The following KHNYN variants were observed in gnomAD, a reference collection of about 807,000 sequenced individuals.
The protein encoded by KHNYN is protein KHNYN.
A neutral mutation model predicts 62.7 loss-of-function variants in KHNYN; 42 were observed. The observed-to-expected ratio is 0.67, with a 90% CI of 0.52 to 0.87. KHNYN has a LOEUF of 0.87. KHNYN is among the 40% of genes least tolerant of loss of function. KHNYN has a pLI of 0.00. For synonymous variants in KHNYN, 347 were observed against 345.6 expected (o/e 1.00, Z -0.04); for missense variants, 829 against 874.1 (o/e 0.95, Z 0.65).
chr14:24,431,550 G>A lies in KHNYN; in HGVS notation c.289G>A (p.Gly97Ser). 6.2e-7 allele frequency: 1 copy of A among 1,612,518 alleles called. No homozygotes were observed. The change falls in exon 3 of 8, where the codon GGC (glycine) becomes AGC (serine). Residue 97 changes from glycine (G) to serine (S), a missense_variant. Around this residue, in one of 2 missense-constraint regions of KHNYN, gnomAD observed 559 missense variants for 527.0 expected, o/e 1.06. Coordinates refer to ENST00000553935, the MANE Select transcript of KHNYN (RefSeq NM_015299.3). The part of the protein sequence containing the change: ...KLHCIFLGAQ[G>S]FFLDCLAWST... ...GCACTGCATCTTTCTGGGAGCCCAG[G>A]GCTTCTTCCTTGACTGCCTGGCCTG...
At position 24,440,813 on chromosome 14, in the gene KHNYN, C is replaced by T; in HGVS notation, c.*3528C>T. On this transcript the variant is annotated 3_prime_UTR_variant, in exon 8 of 8. Coordinates refer to ENST00000553935, the MANE Select transcript of KHNYN (RefSeq NM_015299.3). ...CGCACCACCACCTGGCGTGTAGAAT[C>T]TCCAGGAAGCCTGGCTGCAGCTTCC... 1 of 1,613,604 alleles carries T rather than the reference C, an allele frequency of 6.2e-7. No individual in the cohort carries two copies. The highest frequency in any genetic ancestry group is 8.5e-7 in the Non-Finnish European group (1 of 1,179,756).
upstream of KHNYN, chr14:24,427,874 C>A (rs781723932): frequency 1.2e-6 from 2 of 1,613,994 alleles, no homozygotes; most frequent in East Asian, 2.2e-5. The surrounding 1 kb of genome is among the most constrained non-coding windows in gnomAD (Gnocchi z 4.4). Context: ...CAGAGACACT[C>A]GGTCCCCAGG....
rs1161474490 is a variant in KHNYN at position 24,432,908 on chromosome 14, A to T, written c.1481-28A>T. On this transcript the variant is annotated intron_variant, in intron 4 of 7. Transcript: ENST00000553935. The surrounding 1 kb of genome is among the most constrained non-coding windows in gnomAD (Gnocchi z 5.6). The stretch of plus-strand genomic sequence containing the variant: ...GATAGGCTCTGTTTCCACTTTGAGG[A>T]GAACCCTATTATGTTCTTTTTCAAT... 1.9e-6 allele frequency: 3 copies of T among 1,614,200 alleles called. No homozygotes were observed. The South Asian group carries it at 3.3e-5, about 18-fold the overall frequency.
intron 2 of KHNYN, 133 bp from the exon 3 acceptor site, chr14:24,431,330 C>G: frequency 1.4e-6 from 1 of 709,964 alleles, no homozygotes; most frequent in South Asian, 2.0e-5. Flanking sequence ...TCTCAGTTTC[C>G]TTATCTCTAA....
chr14:24,430,408 C>T, intron 1 of KHNYN: 1 of 1,166,218 alleles, frequency 8.6e-7, no homozygotes, highest in Non-Finnish European at 1.1e-6. Context: ...CCCCAGGAGA[C>T]TCCTTCTGGC....
chr14:24,440,310 C>T lies in KHNYN; in HGVS notation c.*3025C>T, dbSNP rs1594762375. 2.5e-6 allele frequency: 4 copies of T among 1,614,000 alleles called. No individual in the cohort carries two copies. In the East Asian group the frequency reaches 8.9e-5, roughly 36 times the overall value. On this transcript the variant is annotated 3_prime_UTR_variant, in exon 8 of 8. Coordinates refer to ENST00000553935, the MANE Select transcript of KHNYN (RefSeq NM_015299.3). ...TCAGCATTAGTGGCGGAGGATGGAG[C>T]CACTCCATTCAGGACCCCGTGCACG...
rs2043265381 is a variant in KHNYN, at chr14:24,439,770, T to C, written c.*2485T>C. The C allele has an allele frequency of 4.3e-6, 1 of 233,684 alleles. No homozygotes were observed. Among genetic ancestry groups the C allele is most frequent in the East Asian group, 8.9e-5 (1 of 11,180 alleles). 14.5% of individuals were successfully genotyped at this position (233,684 alleles called of 1,614,324 possible). On this transcript the variant is annotated 3_prime_UTR_variant, in exon 8 of 8. Coordinates refer to ENST00000553935, the MANE Select transcript of KHNYN (RefSeq NM_015299.3). ...GGCCAAAGAGATGAGCCAAGGTTAG[T>C]GAGACAATTTATTTTTATTGCCTAA... is the stretch of plus-strand genomic sequence containing the variant.
Position 24,430,216 on chromosome 14 carries a change from G to GGGCCC in KHNYN, c.-18+113_-18+117dup, listed in dbSNP as rs1221752134. On this transcript the variant is annotated intron_variant, in intron 1 of 7. Coordinates refer to ENST00000553935, the MANE Select transcript of KHNYN (RefSeq NM_015299.3). ...GTGGCTGCCCCAGTCCGCGGTGGGCGGGCCCGGCCCGGCCCGGCCCCTGGG... is the reference window on the plus strand; with the variant it reads ...GTGGCTGCCCCAGTCCGCGGTGGGCGGGCCCGGCCCGGCCCGGCCCGGCCCCTGGG... 2.0e-4 allele frequency: 179 copies of GGGCCC among 914,274 alleles called. 1 individual carries two copies. In the Admixed American group the frequency reaches 2.0e-3, roughly 10 times the overall value. 56.6% of individuals were successfully genotyped at this position (914,274 alleles called of 1,614,324 possible). A position where few individuals can be genotyped will look rare whatever the true frequency, so the allele number is the denominator to read the frequency against.
chr14:24,428,364 G>T (rs1401158291), upstream of KHNYN: 9 of 1,613,806 alleles, frequency 5.6e-6, no homozygotes, highest in Non-Finnish European at 7.6e-6. Context: ...CTACGAAGGA[G>T]CCAGAGGCCC....
chr14:24,429,878 C>T, upstream of KHNYN: 2 of 1,012,214 alleles, frequency 2.0e-6, no homozygotes, highest in Non-Finnish European at 2.4e-6. Context: ...GGCGCGGCGG[C>T]GGGGTTGGGA....
Position 24,431,631 on chromosome 14 carries a change from C to G in KHNYN, c.370C>G (p.Leu124Val), listed in dbSNP as rs373291569. The G allele has an allele frequency of 1.2e-6, 2 of 1,613,604 alleles. No homozygotes were observed. Among genetic ancestry groups the G allele is most frequent in the Non-Finnish European group, 1.7e-6 (2 of 1,179,752 alleles). Reference sequence around the variant, plus strand: ...GCCAGGCTCACTGATGATCAGTGGCCTGACTGAAGCCTTTGTCATGGCTCA... The same window carrying G: ...GCCAGGCTCACTGATGATCAGTGGCGTGACTGAAGCCTTTGTCATGGCTCA... ...RAPGSLMISGLTEAFVMAQSR... is the reference protein window; with the variant it reads ...RAPGSLMISGVTEAFVMAQSR... The change falls in exon 3 of 8, where the codon CTG becomes GTG. Residue 124 changes from leucine (L) to valine (V), a missense_variant. This residue lies in a region of KHNYN where 559 missense variants were observed against 527.0 expected (regional missense o/e 1.06). Transcript: ENST00000553935.
At chr14:24,423,597 A>C in the KHNYN span, among the ~76,000 whole-genome samples, 6 of 152,222 alleles carry the variant, frequency 3.9e-5, no homozygotes, top group African/African-American at 1.2e-4. Context: ...TGGTGGGGCA[A>C]AAGGCTTAAG....
Position 24,440,283 on chromosome 14 carries a change from A to G in KHNYN, c.*2998A>G. On this transcript the variant is annotated 3_prime_UTR_variant, in exon 8 of 8. Transcript: ENST00000553935. Reference sequence around the variant, plus strand: ...AGGGCAGCACCCAAGGTCTGGGCAAACTCAGCATTAGTGGCGGAGGATGGA... The same window carrying G: ...AGGGCAGCACCCAAGGTCTGGGCAAGCTCAGCATTAGTGGCGGAGGATGGA... The G allele has an allele frequency of 6.2e-7, 1 of 1,613,998 alleles. No individual in the cohort carries two copies. The highest frequency in any genetic ancestry group is 8.5e-7 in the Non-Finnish European group (1 of 1,179,882).
chr14:24,440,575 CCT>C lies in KHNYN; in HGVS notation c.*3292_*3293del. The C allele has an allele frequency of 6.8e-7, 1 of 1,481,134 alleles. No homozygotes were observed. The allele number at this position is 1,481,134 out of a possible 1,614,324, so 91.7% of individuals were successfully genotyped here. On this transcript the variant is annotated 3_prime_UTR_variant, in exon 8 of 8. Coordinates refer to ENST00000553935, the MANE Select transcript of KHNYN (RefSeq NM_015299.3). ...CTCCTCCTGGTTTCTGTTTCCCCTT[CCT>C]CACTCTCCCCATGCTGACTTGGCTC...
chr14:24,440,225 G>C lies in KHNYN; in HGVS notation c.*2940G>C. 8 of 1,613,974 alleles carry C rather than the reference G, an allele frequency of 5.0e-6. No individual in the cohort carries two copies. The highest frequency in any genetic ancestry group is 6.8e-6 in the Non-Finnish European group (8 of 1,179,818). On this transcript the variant is annotated 3_prime_UTR_variant, in exon 8 of 8. Coordinates refer to ENST00000553935, the MANE Select transcript of KHNYN (RefSeq NM_015299.3). The stretch of plus-strand genomic sequence containing the variant: ...TCGCCCAAAGACAGCTTGCACCACA[G>C]CGCTGGGGAGAGGGATGAAGGCTCG...
chr14:24,430,503 A>G (rs2043086829), intron 1 of KHNYN: 2 of 1,381,230 alleles, frequency 1.4e-6, no homozygotes, highest in African/African-American at 1.5e-5. Context: ...CACTCTCGAT[A>G]GACAGCCTTG....
intron 5 of KHNYN, chr14:24,435,500 G>A (rs2043191641): frequency 6.5e-6 from 1 of 153,598 alleles, no homozygotes; most frequent in Admixed American, 6.5e-5. Context: ...CTTGTTAGGA[G>A]GTTATGCATA....
At chr14:24,431,139 G>A (rs534345390) in intron 2 of KHNYN, among the ~76,000 whole-genome samples, 3 of 152,302 alleles carry the variant, frequency 2.0e-5, no homozygotes, top group South Asian at 2.1e-4. Flanking sequence ...AATTTCTTCT[G>A]TGATGGCCCA....
At position 24,431,913 on chromosome 14, in the gene KHNYN, G is replaced by C. The variant is rs2043122490; in HGVS notation, c.652G>C (p.Gly218Arg). ...SWEGRSSALL[G>R]AQCQGVRAPP... ...GGAGGGGCGGAGCTCAGCCTTGCTG[G>C]GTGCTCAGTGCCAAGGAGTGAGAGC... Residue 218 changes from glycine to arginine, a missense_variant, in exon 3 of 8, where the codon GGT (glycine) becomes CGT (arginine). Gly to Arg is a moderately radical substitution (Grantham distance 125). Coordinates refer to ENST00000553935, the MANE Select transcript of KHNYN (RefSeq NM_015299.3). The C allele has an allele frequency of 1.2e-6, 2 of 1,614,042 alleles. No individual in the cohort carries two copies. The highest frequency in any genetic ancestry group is 2.2e-5 in the South Asian group (2 of 91,088).
Sources: gnomAD v4.1 joint callset for allele counts (sites outside exome capture counted in the v4.1 genomes callset) on GRCh38, gnomAD v4.1.1 for gene constraint, gnomAD v4.1.1 regional missense constraint, Gnocchi (gnomAD v3.1) non-coding constraint, MANE v1.5 for transcripts, NCBI Gene and HGNC (gene_info 2026-07-23, HGNC 2026-07-21) for gene names.